The following NEB variants were observed in gnomAD, a reference collection of about 807,000 sequenced individuals.
NEB encodes nemaline myopathy type 2.
NEB carries 512 observed loss-of-function variants against 952.2 expected under a neutral mutation model. The observed-to-expected ratio is 0.54, with a 90% confidence interval of 0.50 to 0.58. The LOEUF is 0.58. NEB is among the 20% of genes least tolerant of loss of function. NEB has a pLI of 0.00. For synonymous variants in NEB, 2,900 were observed against 3,149.8 expected (o/e 0.92, Z 2.66); for missense variants, 8,428 against 9,231.1 (o/e 0.91, Z 3.56).
chr2:151,728,907 T>C (rs1001417411), intron 4 of NEB, among the ~76,000 whole-genome samples: 1 of 152,190 alleles, frequency 6.6e-6, no homozygotes, highest in African/African-American at 2.4e-5. Context: ...TGGTTGACTG[T>C]GAGAGACTAA....
intron 121 of NEB, 50 bp from the exon 122 acceptor site, chr2:151,561,362 A>G (rs746777409): frequency 4.0e-5 from 53 of 1,322,036 alleles, no homozygotes; most frequent in Non-Finnish European, 5.1e-5. Context: ...CAGGTCTGTC[A>G]TCAGCTGTAG....
In NEB at chr2:151,576,323, C is replaced by T. The variant is rs772866944; in HGVS notation, c.16736G>A (p.Arg5579His). The T allele has an allele frequency of 6.8e-6, 11 of 1,608,168 alleles. No homozygotes were observed. The highest frequency in any genetic ancestry group is 1.7e-4 in the Middle Eastern group (1 of 6,016). Residue 5579 changes from arginine to histidine, a missense_variant, in exon 106 of 182, where the codon CGT becomes CAT. Physicochemically the swap from Arg to His is conservative, Grantham distance 29. Around this residue, in one of 11 missense-constraint regions of NEB, gnomAD observed 3,374 missense variants for 3,651.5 expected, o/e 0.92. Transcript: ENST00000397345. Reference sequence around the variant, plus strand: ...CCCTTGGGGCATCCAGCCAATGCCACGCAACCACTCCAAGTCAGCCTTGTA... The same window carrying T: ...CCCTTGGGGCATCCAGCCAATGCCATGCAACCACTCCAAGTCAGCCTTGTA... Reference protein sequence around the residue: ...ALYKADLEWLRGIGWMPQGSP... With the variant: ...ALYKADLEWLHGIGWMPQGSP...
intron 145 of NEB, among the ~76,000 whole-genome samples, chr2:151,530,453 A>C (rs1194540443): frequency 1.3e-5 from 2 of 152,222 alleles, no homozygotes; most frequent in Non-Finnish European, 2.9e-5. Context: ...GACTAAGGCC[A>C]AAGTAAACTG....
chr2:151,503,489 C>T (rs1005395884), intron 165 of NEB, 48 bp from the exon 166 acceptor site: 1 of 1,297,166 alleles, frequency 7.7e-7, no homozygotes, highest in African/African-American at 1.5e-5. Flanking sequence ...GACCGTAAAT[C>T]CTTTAGATAG....
At chr2:151,656,567 TA>T in intron 48 of NEB, 103 bp from the exon 49 acceptor site, 1 of 607,964 alleles carries the variant, frequency 1.6e-6, no homozygotes, top group Non-Finnish European at 2.3e-6. Context: ...AAAATATAAT[TA>T]AAAATTATAT....
chr2:151,525,374 T>C, intron 150 of NEB, 101 bp from the exon 151 acceptor site: 1 of 864,244 alleles, frequency 1.2e-6, no homozygotes, highest in Non-Finnish European at 1.9e-6. Context: ...ATGCTCCCCA[T>C]TTTGGCGTCA....
At chr2:151,559,519 T>C (rs549149709) in intron 124 of NEB, among the ~76,000 whole-genome samples, 1 of 152,308 alleles carries the variant, frequency 6.6e-6, no homozygotes, top group East Asian at 1.9e-4. Context: ...CTCTTCACCA[T>C]AGCAAAGTCT....
At chr2:151,646,045 T>C in intron 55 of NEB, 85 bp downstream of exon 55, 1 of 961,550 alleles carries the variant, frequency 1.0e-6, no homozygotes, top group Non-Finnish European at 1.6e-6. Context: ...AATTCAGGGA[T>C]TCAGAGAACT....
Position 151,570,177 on chromosome 2 carries a change from A to G in NEB, c.17334T>C (p.Ser5778=), listed in dbSNP as rs372247757. ...LHSKNSQALV[S]DMDYRNYLHQ... ...GCAGGTAATTGCGGTAATCCATGTC[A>G]CTGACCAGAGCCTGGGAATTTTTAG... Residue 5778 remains serine, a synonymous_variant, in exon 109 of 182, where the codon AGT becomes AGC. Coordinates refer to ENST00000397345, the MANE Select transcript of NEB (RefSeq NM_001164508.2). 1 of 1,613,634 alleles carries G rather than the reference A, an allele frequency of 6.2e-7. No individual in the cohort carries two copies. The highest frequency in any genetic ancestry group is 8.5e-7 in the Non-Finnish European group (1 of 1,179,774).
intron 102 of NEB, among the ~76,000 whole-genome samples, chr2:151,581,828 G>A (rs921956665): frequency 7.9e-5 from 11 of 138,662 alleles, no homozygotes; most frequent in Admixed American, 1.5e-4. Flanking sequence ...GATGTTCTCC[G>A]ATATAAACGT....
intron 85 of NEB, among the ~76,000 whole-genome samples, chr2:151,604,005 C>T (rs1302303327): frequency 3.5e-5 from 5 of 141,938 alleles, no homozygotes; most frequent in South Asian, 4.9e-4. Context: ...CTTGGTGGAA[C>T]GGCAGCCAGC....
intron 124 of NEB, among the ~76,000 whole-genome samples, chr2:151,555,869 G>GT (rs1207060498): frequency 1.1e-5 from 1 of 90,676 alleles, no homozygotes; most frequent in Non-Finnish European, 2.4e-5. Context: ...TAAAGGCACC[G>GT]TTAAAAAAAA....
intron 65 of NEB, among the ~76,000 whole-genome samples, chr2:151,631,567 T>C (rs561026516): frequency 1.7e-4 from 26 of 152,020 alleles, no homozygotes; most frequent in Non-Finnish European, 2.9e-4. Context: ...AGGAGAGGAG[T>C]GATCCCAAGT....
At chr2:151,528,617 C>A (rs571799428) in intron 146 of NEB, among the ~76,000 whole-genome samples, 40 of 152,264 alleles carry the variant, frequency 2.6e-4, no homozygotes, top group African/African-American at 9.1e-4. Flanking sequence ...TCCCCTCTAG[C>A]ACTAGTGGGT....
rs750523537 is a variant in NEB at position 151,621,020 on chromosome 2, A to T, written c.10459T>A (p.Tyr3487Asn). The change falls in exon 72 of 182, where the codon TAT (tyrosine) becomes AAT (asparagine). Residue 3487 changes from tyrosine (Y) to asparagine (N), a missense_variant. By Grantham distance (143) the Tyr-to-Asn change is moderately radical. Around this residue, in one of 11 missense-constraint regions of NEB, gnomAD observed 1,772 missense variants for 1,960.3 expected, o/e 0.90. Coordinates refer to ENST00000397345, the MANE Select transcript of NEB (RefSeq NM_001164508.2). Reference sequence around the variant, plus strand: ...TTGGCTTCTTCCATGGCCTGACGATAGAGGCTCTGAGGAAAGAAGGAGTAG... The same window carrying T: ...TTGGCTTCTTCCATGGCCTGACGATTGAGGCTCTGAGGAAAGAAGGAGTAG... ...QNKINYSESL[Y>N]RQAMEEAKKE... The T allele has an allele frequency of 5.6e-6, 9 of 1,604,804 alleles. No homozygotes were observed. The South Asian group carries it at 1.0e-4, about 18-fold the overall frequency.
At position 151,512,791 on chromosome 2, in the gene NEB, G is replaced by A. The variant is rs767053656; in HGVS notation, c.23288C>T (p.Ser7763Phe). The A allele has an allele frequency of 6.2e-7, 1 of 1,613,852 alleles. No homozygotes were observed. The highest frequency in any genetic ancestry group is 1.7e-5 in the Admixed American group (1 of 60,022). The stretch of plus-strand genomic sequence containing the variant: ...AATGATCTCTGGAGTATCAACCACA[G>A]AAGTGAAATTGGCTTTCTCCATTTC... ...SAEMEKANFT[S>F]VVDTPEIIHA... Residue 7763 changes from serine (S) to phenylalanine (F), a missense_variant, in exon 161 of 182, where the codon TCT becomes TTT. Around this residue, in one of 11 missense-constraint regions of NEB, gnomAD observed 3,374 missense variants for 3,651.5 expected, o/e 0.92. Coordinates refer to ENST00000397345, the MANE Select transcript of NEB (RefSeq NM_001164508.2).
rs762244508 is a variant in NEB at position 151,678,198 on chromosome 2, C to T, written c.3256-11G>A. On this transcript the variant is annotated splice_polypyrimidine_tract_variant and intron_variant, in intron 32 of 181. Transcript: ENST00000397345. ...TTTTTTGTACTGAACCTATTGTAAA[C>T]AAAGGTGGGCATAATTTAAAATGTA... 3.9e-6 allele frequency: 6 copies of T among 1,530,594 alleles called. No individual in the cohort carries two copies. The highest frequency in any genetic ancestry group is 1.8e-4 in the Middle Eastern group (1 of 5,602). 94.8% of individuals were successfully genotyped at this position (1,530,594 alleles called of 1,614,324 possible). A position where few individuals can be genotyped will look rare whatever the true frequency, so the allele number is the denominator to read the frequency against.
intron 46 of NEB, among the ~76,000 whole-genome samples, chr2:151,660,130 G>T (rs1354650316): frequency 6.6e-6 from 1 of 152,092 alleles, no homozygotes; most frequent in African/African-American, 2.4e-5. Flanking sequence ...CGAAGTGGGG[G>T]TACAAAGATC....
At chr2:151,669,212 G>T (rs2099256269) in intron 38 of NEB, 81 bp from the exon 39 acceptor site, 1 of 985,386 alleles carries the variant, frequency 1.0e-6, no homozygotes, top group Admixed American at 2.1e-5. Flanking sequence ...CTTTAAAACG[G>T]AAGGCTATCA....
Sources: allele counts gnomAD v4.1 joint callset (sites outside exome capture counted in the v4.1 genomes callset), GRCh38; gene constraint gnomAD v4.1.1; regional missense constraint gnomAD v4.1.1; transcripts MANE v1.5; gene names NCBI Gene and HGNC (gene_info 2026-07-23, HGNC 2026-07-21).